Variants in HECW2 observed in about 807,000 individuals in gnomAD.
The protein encoded by HECW2 is HECT, C2 and WW domain containing E3 ubiquitin protein ligase 2.
HECW2 carries 61 observed loss-of-function variants against 175.2 expected under a neutral mutation model. The observed-to-expected ratio is 0.35, with a 90% CI of 0.28 to 0.43. HECW2 has a LOEUF of 0.43. Among genes scored for constraint, HECW2 ranks in the 20% least tolerant of loss-of-function variants. The pLI, the probability that HECW2 is intolerant of heterozygous loss-of-function variation, is 1.00. For synonymous variants in HECW2, 671 were observed against 731.0 expected, an observed-to-expected ratio of 0.92 and a Z score of 1.32; for missense variants, 1,524 against 2,000.5, an observed-to-expected ratio of 0.76 and a Z score of 4.54.
At chr2:196,242,419 A>C in intron 19 of HECW2, 1 of 559,012 alleles carries the variant, frequency 1.8e-6, no homozygotes. Flanking sequence ...GAGAATAAAA[A>C]TTCTGTTTGA....
At chr2:196,566,441 T>C (rs1448148650) in intron 1 of HECW2, among the ~76,000 whole-genome samples, 2 of 152,090 alleles carry the variant, frequency 1.3e-5, no homozygotes, top group Admixed American at 6.5e-5. Flanking sequence ...TAAAAAGCAA[T>C]AGCTACTCTT....
At chr2:196,203,797 C>T (rs868291159) in intron 28 of HECW2, among the ~76,000 whole-genome samples, 1 of 152,172 alleles carries the variant, frequency 6.6e-6, no homozygotes, top group Non-Finnish European at 1.5e-5. Context: ...TTGCAACCAT[C>T]ATCACTATCC....
intron 21 of HECW2, 149 bp downstream of exon 21, chr2:196,240,298 TAA>T (rs35227584): frequency 6.3e-4 from 233 of 371,460 alleles, no homozygotes; most frequent in South Asian, 1.4e-3. Context: ...AGGAGACCTT[TAA>T]AAAAAAAAAA....
At chr2:196,430,557 T>G in intron 2 of HECW2, among the ~76,000 whole-genome samples, 1 of 152,076 alleles carries the variant, frequency 6.6e-6, no homozygotes, top group East Asian at 1.9e-4. Context: ...CTGAATGAGT[T>G]AACACACAAG....
Position 196,343,903 on chromosome 2 carries a change from C to T in HECW2, c.293-139G>A, listed in dbSNP as rs902336564. On this transcript the variant is annotated intron_variant, in intron 2 of 28. Coordinates refer to ENST00000644978, the MANE Select transcript of HECW2 (RefSeq NM_001348768.2). The stretch of plus-strand genomic sequence containing the variant: ...GCACATTATTCTTAATGACTACCTC[C>T]CAGCAGAGTATTACCCGAGTTTCTG... 3.1e-5 allele frequency: 19 copies of T among 603,998 alleles called. No homozygotes were observed. The Middle Eastern group carries it at 1.7e-3, about 54-fold the overall frequency. The allele number at this position is 603,998 out of a possible 1,614,324, so 37.4% of individuals were successfully genotyped here. A position where few individuals can be genotyped will look rare whatever the true frequency, so the allele number is the denominator to read the frequency against.
At chr2:196,252,178 A>AAATAATAAT (rs10666310) in intron 19 of HECW2, among the ~76,000 whole-genome samples, 40,508 of 132,884 alleles carry the variant, frequency 0.3, 6,551 homozygotes, top group African/African-American at 0.4. Context: ...CTCCGATTCA[A>AAATAATAAT]AATAATAATA....
chr2:196,478,203 C>T (rs537118370), intron 1 of HECW2, among the ~76,000 whole-genome samples: 2 of 152,290 alleles, frequency 1.3e-5, no homozygotes, highest in African/African-American at 4.8e-5. Context: ...AAGGAGAAAT[C>T]AGAGTGTCAC....
chr2:196,322,940 A>T lies in HECW2; in HGVS notation c.742-320T>A, dbSNP rs77546478. Among the ~76,000 whole-genome samples, 1,001 of 152,362 alleles carry T rather than the reference A, an allele frequency of 6.6e-3. 6 individuals carry two copies. Among genetic ancestry groups the T allele is most frequent in the Non-Finnish European group, 0.011 (765 of 68,040 alleles). On this transcript the variant is annotated intron_variant, in intron 6 of 28. Transcript: ENST00000644978. ...ACAATGCAATTTTAGTACTCCCTAC[A>T]TTTATTGTATCTCAATTCTTTGATA... is the stretch of plus-strand genomic sequence containing the variant.
At chr2:196,424,441 T>C (rs1201125053) in intron 2 of HECW2, among the ~76,000 whole-genome samples, 3 of 152,082 alleles carry the variant, frequency 2.0e-5, no homozygotes, top group East Asian at 3.9e-4. Context: ...ATCTCAAAAA[T>C]TGAGACAGGC....
intron 1 of HECW2, among the ~76,000 whole-genome samples, chr2:196,567,425 T>C (rs1191002041): frequency 6.6e-6 from 1 of 152,092 alleles, no homozygotes; most frequent in Non-Finnish European, 1.5e-5. Context: ...AAATATAAAA[T>C]ATGAAGCGTT....
chr2:196,360,802 G>C (rs546359071), intron 2 of HECW2, among the ~76,000 whole-genome samples: 55 of 152,268 alleles, frequency 3.6e-4, no homozygotes, highest in African/African-American at 1.3e-3. Flanking sequence ...CCCCAAAACT[G>C]CTTTATCAGA....
rs576453857 is a variant in HECW2 at position 196,317,430 on chromosome 2, C to G, written c.2339-61G>C. On this transcript the variant is annotated intron_variant, in intron 9 of 28. Coordinates refer to ENST00000644978, the MANE Select transcript of HECW2 (RefSeq NM_001348768.2). ...TTCTCTTTCAGTATCAAAACAGACT[C>G]TATACAAAAAACCTAACATAATTCC... 13 of 1,192,172 alleles carry G rather than the reference C, an allele frequency of 1.1e-5. No homozygotes were observed. In the South Asian group the frequency reaches 1.2e-4, roughly 11 times the overall value. The allele number at this position is 1,192,172 out of a possible 1,614,324, so 73.8% of individuals were successfully genotyped here.
chr2:196,373,678 T>C (rs1406683897), intron 2 of HECW2, among the ~76,000 whole-genome samples: 2 of 152,010 alleles, frequency 1.3e-5, no homozygotes, highest in African/African-American at 4.8e-5. Flanking sequence ...CAGTAAAGGA[T>C]AAGAGTACAA....
At chr2:196,252,434 G>A (rs1319168971) in intron 19 of HECW2, among the ~76,000 whole-genome samples, 2 of 151,960 alleles carry the variant, frequency 1.3e-5, no homozygotes, top group Admixed American at 6.6e-5. Context: ...GGGCCTTGTG[G>A]GGGGTGTTTG....
intron 1 of HECW2, among the ~76,000 whole-genome samples, chr2:196,512,328 C>T (rs1687978781): frequency 6.6e-6 from 1 of 152,294 alleles, no homozygotes; most frequent in South Asian, 2.1e-4. Context: ...TTGCAACCTT[C>T]CTTTAATATT....
intron 21 of HECW2, among the ~76,000 whole-genome samples, chr2:196,236,735 C>T (rs115260186): frequency 3.3e-5 from 5 of 152,134 alleles, no homozygotes; most frequent in African/African-American, 1.2e-4. Context: ...CATGGTTGGA[C>T]TAGCATTATG....
chr2:196,456,705 C>A (rs1262798036), intron 1 of HECW2, among the ~76,000 whole-genome samples: 1 of 152,154 alleles, frequency 6.6e-6, no homozygotes, highest in East Asian at 1.9e-4. Context: ...TCTTATGGGA[C>A]ACTTTCCTTG....
intron 28 of HECW2, among the ~76,000 whole-genome samples, chr2:196,211,865 C>T (rs1687299159): frequency 6.6e-6 from 1 of 152,024 alleles, no homozygotes; most frequent in Non-Finnish European, 1.5e-5. Flanking sequence ...CTTTTTGAGA[C>T]AGAGTCTTGC....
At chr2:196,562,238 C>T (rs1274840842) in intron 1 of HECW2, among the ~76,000 whole-genome samples, 6 of 152,134 alleles carry the variant, frequency 3.9e-5, no homozygotes, top group African/African-American at 4.8e-5. Flanking sequence ...CAGCTTTAAA[C>T]CCTCCCACCC....
Sources: gnomAD v4.1 joint callset for allele counts (sites outside exome capture counted in the v4.1 genomes callset) on GRCh38, gnomAD v4.1.1 for gene constraint, MANE v1.5 for transcripts, NCBI Gene and HGNC (gene_info 2026-07-23, HGNC 2026-07-21) for gene names.